P4HA1: variants seen among roughly 807,000 people sequenced by gnomAD.
P4HA1 encodes prolyl 4-hydroxylase subunit alpha-1.
P4HA1 carries 24 observed loss-of-function variants against 72.8 expected under a neutral mutation model. That is an observed-to-expected ratio of 0.33 (90% CI 0.24 to 0.46). P4HA1 has a LOEUF of 0.46. Ranked by LOEUF, P4HA1 falls within the 20% of genes least tolerant of loss-of-function variation. P4HA1 has a pLI of 1.00. For synonymous variants in P4HA1, 201 were observed against 218.8 expected (o/e 0.92, Z 0.72); for missense variants, 446 against 640.6 (o/e 0.70, Z 3.28).
chr10:73,041,841 CTT>C (rs771879587), intron 9 of P4HA1, among the ~76,000 whole-genome samples: 3 of 145,814 alleles, frequency 2.1e-5, no homozygotes, highest in African/African-American at 5.0e-5. Flanking sequence ...TTTCTTTTCT[CTT>C]TTTTTTTTTG....
chr10:73,022,508 CA>C (rs1324111867), intron 10 of P4HA1, among the ~76,000 whole-genome samples: 1 of 152,104 alleles, frequency 6.6e-6, no homozygotes, highest in African/African-American at 2.4e-5. Context: ...CATCGAAGGC[CA>C]AAGGTAGACA....
At chr10:73,067,008 C>T (rs1054159651) in intron 5 of P4HA1, among the ~76,000 whole-genome samples, 5 of 152,264 alleles carry the variant, frequency 3.3e-5, no homozygotes, top group Non-Finnish European at 2.9e-5. Flanking sequence ...GCTAGGACTA[C>T]AAGCAAGCAC....
chr10:73,088,442 T>G (rs527580863), intron 1 of P4HA1, among the ~76,000 whole-genome samples: 26 of 152,300 alleles, frequency 1.7e-4, no homozygotes, highest in Admixed American at 1.3e-3. Flanking sequence ...TGGTGTGAAG[T>G]TGAAACCATG....
In P4HA1 at chr10:73,008,230, A is replaced by G; in HGVS notation, c.1597T>C (p.Leu533=). Residue 533 remains leucine, a synonymous_variant, in exon 15 of 15, where the codon TTG becomes CTG. Coordinates refer to ENST00000394890, the MANE Select transcript of P4HA1 (RefSeq NM_001017962.3). ...AAAGGGAAGCCTGTTTGTCATTCCA[A>G]TTCTGACAACGTACAAGGTCTTCGA... ...EFRRPCTLSE[L]E The G allele has an allele frequency of 6.2e-7, 1 of 1,601,444 alleles. No homozygotes were observed. The highest frequency in any genetic ancestry group is 1.3e-5 in the African/African-American group (1 of 74,730).
At chr10:73,063,758 T>C (rs1025414748) in intron 5 of P4HA1, among the ~76,000 whole-genome samples, 1 of 152,200 alleles carries the variant, frequency 6.6e-6, no homozygotes, top group Non-Finnish European at 1.5e-5. Flanking sequence ...GCAGAGATAG[T>C]AGAAGATTTT....
chr10:73,017,687 G>T (rs1218457230), intron 10 of P4HA1, among the ~76,000 whole-genome samples: 10 of 152,032 alleles, frequency 6.6e-5, no homozygotes, highest in Admixed American at 6.6e-4. Flanking sequence ...AATTATTCCT[G>T]TCGAAGGGCC....
intron 1 of P4HA1, among the ~76,000 whole-genome samples, chr10:73,091,676 G>T (rs932824974): frequency 1.3e-5 from 2 of 151,948 alleles, no homozygotes; most frequent in Non-Finnish European, 2.9e-5. Context: ...GATAGTTCTC[G>T]GCTATTCATT....
At chr10:73,029,326 G>A (rs752673426) in intron 10 of P4HA1, among the ~76,000 whole-genome samples, 11 of 150,574 alleles carry the variant, frequency 7.3e-5, no homozygotes, top group South Asian at 2.1e-4. Flanking sequence ...CAGGAGAATC[G>A]CTTGAACCAG....
At chr10:73,040,449 C>T (rs1840704572) in intron 9 of P4HA1, among the ~76,000 whole-genome samples, 1 of 150,240 alleles carries the variant, frequency 6.7e-6, no homozygotes. Flanking sequence ...CAAAAACAAA[C>T]AGTCTTCCAA....
rs568915163 is a variant in P4HA1 at position 73,037,517 on chromosome 10, G to A, written c.1149-7147C>T. Among the ~76,000 whole-genome samples, 26 of 88,822 alleles carry A rather than the reference G, an allele frequency of 2.9e-4. No individual in the cohort carries two copies. In the Admixed American group the frequency reaches 3.7e-3, roughly 13 times the overall value. The allele number at this position is 88,822 out of a possible 152,430, so 58.3% of individuals were successfully genotyped here. A position where few individuals can be genotyped will look rare whatever the true frequency, so the allele number is the denominator to read the frequency against. ...AAGAATATTCTATGATTAGCTAATCGAAAACCACTATATATATATATATAT... is the reference window on the plus strand; with the variant it reads ...AAGAATATTCTATGATTAGCTAATCAAAAACCACTATATATATATATATAT... On this transcript the variant is annotated intron_variant, in intron 9 of 14. Coordinates refer to ENST00000394890, the MANE Select transcript of P4HA1 (RefSeq NM_001017962.3).
chr10:73,057,076 ATAGAT>A (rs1425718007), intron 5 of P4HA1, among the ~76,000 whole-genome samples: 13 of 151,252 alleles, frequency 8.6e-5, no homozygotes, highest in African/African-American at 3.2e-4. Context: ...AAAAAAAAAA[ATAGAT>A]TAAACACAAC....
chr10:73,010,844 C>A (rs908689886), intron 13 of P4HA1, 125 bp downstream of exon 13: 2 of 676,358 alleles, frequency 3.0e-6, no homozygotes, highest in Non-Finnish European at 5.1e-6. Flanking sequence ...GGCAACAGAG[C>A]GAGAACAGGT....
chr10:73,095,847 A>G (rs1842152967), intron 1 of P4HA1, among the ~76,000 whole-genome samples: 1 of 152,180 alleles, frequency 6.6e-6, no homozygotes, highest in Non-Finnish European at 1.5e-5. Context: ...TATGTAACAG[A>G]GTCGATTATT....
At chr10:73,034,898 G>T (rs1168216827) in intron 9 of P4HA1, among the ~76,000 whole-genome samples, 1 of 151,910 alleles carries the variant, frequency 6.6e-6, no homozygotes, top group African/African-American at 2.4e-5. Flanking sequence ...TGTTTTCAAG[G>T]TTCATCCATG....
intron 5 of P4HA1, among the ~76,000 whole-genome samples, chr10:73,067,494 C>T (rs763078701): frequency 5.3e-5 from 8 of 152,208 alleles, no homozygotes; most frequent in African/African-American, 1.4e-4. Context: ...CTGCTTACCT[C>T]TCTAGTCTCA....
intron 10 of P4HA1, among the ~76,000 whole-genome samples, chr10:73,019,557 A>C (rs1840085614): frequency 6.6e-6 from 1 of 152,040 alleles, no homozygotes. Flanking sequence ...TCAGAATTTC[A>C]ACAAAGAAAG....
In P4HA1 at chr10:73,074,847, G is replaced by C. The variant is rs749090304; in HGVS notation, c.37C>G (p.Pro13Ala). 1 of 1,569,184 alleles carries C rather than the reference G, an allele frequency of 6.4e-7. No homozygotes were observed. The highest frequency in any genetic ancestry group is 1.1e-5 in the South Asian group (1 of 89,960). Residue 13 changes from proline (P) to alanine (A), a missense_variant, in exon 2 of 15, where the codon CCC (proline) becomes GCC (alanine). Pro to Ala is a conservative substitution (Grantham distance 27). Coordinates refer to ENST00000394890, the MANE Select transcript of P4HA1 (RefSeq NM_001017962.3). The stretch of plus-strand genomic sequence containing the variant: ...AAGCCTGGATGAGCCAAAGACTGGG[G>C]AAGCAGAATTCCTATAATTAATATA... The part of the protein sequence containing the change: ...WYILIIGILL[P>A]QSLAHPGFFT...
At position 73,009,796 on chromosome 10, in the gene P4HA1, G is replaced by C. The variant is rs1332361152; in HGVS notation, c.1534+11C>G. ...ATTACATTATCTTCGCAGAATATATGAAATATTTACCCCATTTGTTGCCAA... is the reference window on the plus strand; with the variant it reads ...ATTACATTATCTTCGCAGAATATATCAAATATTTACCCCATTTGTTGCCAA... On this transcript the variant is annotated intron_variant, in intron 14 of 14. Coordinates refer to ENST00000394890, the MANE Select transcript of P4HA1 (RefSeq NM_001017962.3). The C allele has an allele frequency of 6.9e-7, 1 of 1,447,470 alleles. No homozygotes were observed. The highest frequency in any genetic ancestry group is 9.7e-7 in the Non-Finnish European group (1 of 1,028,950). The allele number at this position is 1,447,470 out of a possible 1,614,324, so 89.7% of individuals were successfully genotyped here. A position where few individuals can be genotyped will look rare whatever the true frequency, so the allele number is the denominator to read the frequency against.
intron 11 of P4HA1, 120 bp downstream of exon 11, chr10:73,016,726 A>C: frequency 1.6e-6 from 1 of 625,778 alleles, no homozygotes; most frequent in Non-Finnish European, 2.8e-6. Flanking sequence ...GCAGTGAGCC[A>C]AGATCGTGCT....
Sources: gnomAD v4.1 joint callset for allele counts (sites outside exome capture counted in the v4.1 genomes callset) on GRCh38, gnomAD v4.1.1 for gene constraint, MANE v1.5 for transcripts, NCBI Gene and HGNC (gene_info 2026-07-23, HGNC 2026-07-21) for gene names.